The following PIEZO2 variants were observed in gnomAD, a reference collection of about 807,000 sequenced individuals.
PIEZO2 encodes piezo type mechanosensitive ion channel component 2, also known as piezo-type mechanosensitive ion channel component 2.
Under a neutral mutation model 337.3 loss-of-function variants are expected in PIEZO2, and 172 were observed. That is an observed-to-expected ratio of 0.51 (90% CI 0.45 to 0.58). The LOEUF is 0.58. Ranked by LOEUF, PIEZO2 falls within the 20% of genes least tolerant of loss-of-function variation. The probability of loss-of-function intolerance (pLI) is 0.00; values close to 1 mark genes in which losing one functional copy is unlikely to be tolerated. For synonymous variants in PIEZO2, 1,251 were observed against 1,228.5 expected, an observed-to-expected ratio of 1.02 and a Z score of -0.38; for missense variants, 3,028 against 3,391.3, an observed-to-expected ratio of 0.89 and a Z score of 2.66.
chr18:10,873,594 T>TTA (rs141501785), intron 4 of PIEZO2, among the ~76,000 whole-genome samples: 3,167 of 150,346 alleles, frequency 0.021, 103 homozygotes, highest in African/African-American at 0.073. Flanking sequence ...TGATTTATTT[T>TTA]TATATATCAT....
At chr18:11,098,804 A>G (rs975693438) in intron 1 of PIEZO2, among the ~76,000 whole-genome samples, 1 of 151,852 alleles carries the variant, frequency 6.6e-6, no homozygotes, top group African/African-American at 2.4e-5. Context: ...TTATTTAAAA[A>G]AAATTTTTTT....
chr18:11,144,479 A>G (rs2040756686), intron 1 of PIEZO2, among the ~76,000 whole-genome samples: 1 of 152,178 alleles, frequency 6.6e-6, no homozygotes, highest in African/African-American at 2.4e-5. Flanking sequence ...CATTAGCTCC[A>G]TTTGTAATTC....
intron 1 of PIEZO2, among the ~76,000 whole-genome samples, chr18:11,136,784 T>C (rs2040502707): frequency 6.6e-6 from 1 of 152,158 alleles, no homozygotes; most frequent in Non-Finnish European, 1.5e-5. Context: ...TTGTGCAGCC[T>C]ACCCTTTCCT....
Position 10,670,562 on chromosome 18 carries a change from G to C in PIEZO2, c.*965C>G, listed in dbSNP as rs1002092314. The C allele has an allele frequency of 6.6e-6, 1 of 152,168 alleles. No homozygotes were observed. The highest frequency in any genetic ancestry group is 1.5e-5 in the Non-Finnish European group (1 of 68,038). The allele number at this position is 152,168 out of a possible 1,614,324, so 9.4% of individuals were successfully genotyped here. A position where few individuals can be genotyped will look rare whatever the true frequency, so the allele number is the denominator to read the frequency against. On this transcript the variant is annotated 3_prime_UTR_variant, in exon 56 of 56. Transcript: ENST00000674853. ...GTGAATTGGAATATGTAAACTCTTT[G>C]ATATACCTGAAAAACAGGAAGGAAA...
chr18:10,747,677 C>T (rs777175089), intron 30 of PIEZO2, among the ~76,000 whole-genome samples: 1 of 152,150 alleles, frequency 6.6e-6, no homozygotes, highest in Non-Finnish European at 1.5e-5. Flanking sequence ...CAGAGGCTGA[C>T]AACTGCCATC....
intron 37 of PIEZO2, 68 bp downstream of exon 37, chr18:10,718,132 T>G: frequency 8.2e-6 from 11 of 1,343,644 alleles, no homozygotes; most frequent in Non-Finnish European, 1.1e-5. Flanking sequence ...CAGCCTTCCA[T>G]TATATACGAT....
rs996568328 is a variant in PIEZO2 at position 10,861,072 on chromosome 18, G to A, written c.493-3861C>T. 6.6e-6 allele frequency among the ~76,000 whole-genome samples: 1 copy of A among 152,210 alleles called. No individual in the cohort carries two copies. Among genetic ancestry groups the A allele is most frequent in the African/African-American group, 2.4e-5 (1 of 41,448 alleles). Reference sequence around the variant, plus strand: ...GTCAGGCTGGCTTATTAACAGGCAGGCTTTTTCCCCCAAAGTGATTCTTCT... The same window carrying A: ...GTCAGGCTGGCTTATTAACAGGCAGACTTTTTCCCCCAAAGTGATTCTTCT... On this transcript the variant is annotated intron_variant, in intron 5 of 55. Transcript: ENST00000674853. The surrounding 1 kb of genome is among the most constrained non-coding windows in gnomAD (Gnocchi z 4.3).
intron 2 of PIEZO2, among the ~76,000 whole-genome samples, chr18:11,023,785 C>G (rs2036414660): frequency 6.6e-6 from 1 of 152,232 alleles, no homozygotes; most frequent in Admixed American, 6.5e-5. Context: ...GTCCCGAACC[C>G]TGCCCCGCTG....
intron 43 of PIEZO2, among the ~76,000 whole-genome samples, chr18:10,701,258 A>G (rs946720446): frequency 6.6e-6 from 1 of 152,262 alleles, no homozygotes; most frequent in Non-Finnish European, 1.5e-5. Context: ...AATAATTTCT[A>G]TTTATTAGAA....
rs569442770 is a variant in PIEZO2 at position 10,707,802 on chromosome 18, C to T, written c.5588+473G>A. ...TTATGTCAATTAGGCAGATAACATGCAGACTTATTTAATATTCACTAAAAA... is the reference window on the plus strand; with the variant it reads ...TTATGTCAATTAGGCAGATAACATGTAGACTTATTTAATATTCACTAAAAA... On this transcript the variant is annotated intron_variant, in intron 40 of 55. Transcript: ENST00000674853. The surrounding 1 kb of genome is among the most constrained non-coding windows in gnomAD (Gnocchi z 4.2). Among the ~76,000 whole-genome samples the T allele has an allele frequency of 1.7e-4, 26 of 152,138 alleles. No homozygotes were observed. The highest frequency in any genetic ancestry group is 3.2e-4 in the Non-Finnish European group (22 of 68,026).
At chr18:10,710,952 G>A (rs993868140) in intron 39 of PIEZO2, among the ~76,000 whole-genome samples, 2 of 152,052 alleles carry the variant, frequency 1.3e-5, no homozygotes, top group Admixed American at 1.3e-4. Context: ...CTTTCTTTAG[G>A]TTGAAAAACA....
At chr18:10,918,629 A>G (rs1451920083) in intron 3 of PIEZO2, among the ~76,000 whole-genome samples, 1 of 152,118 alleles carries the variant, frequency 6.6e-6, no homozygotes, top group Non-Finnish European at 1.5e-5. Flanking sequence ...TTTGTAAAAT[A>G]ACAATGATTT....
rs1333784398 is a variant in PIEZO2 at position 10,983,823 on chromosome 18, C to T, written c.161-4163G>A. The stretch of plus-strand genomic sequence containing the variant: ...TCTCAACATGTACAAATATTAGCAT[C>T]TGGCTTGACACTACTGGTGAGGGAG... On this transcript the variant is annotated intron_variant, in intron 2 of 55. Coordinates refer to ENST00000674853, the MANE Select transcript of PIEZO2 (RefSeq NM_001378183.1). Among the ~76,000 whole-genome samples, 6 of 152,320 alleles carry T rather than the reference C, an allele frequency of 3.9e-5. No individual in the cohort carries two copies. The South Asian group carries it at 1.0e-3, about 26-fold the overall frequency.
chr18:10,690,206 T>C (rs758054992), intron 48 of PIEZO2, among the ~76,000 whole-genome samples: 1 of 152,008 alleles, frequency 6.6e-6, no homozygotes, highest in Non-Finnish European at 1.5e-5. Context: ...TGAGGGCAAA[T>C]GGATAAAGGC....
In PIEZO2 at chr18:11,052,461, A is replaced by G. The variant is rs1260170723; in HGVS notation, c.160+13666T>C. Among the ~76,000 whole-genome samples, 5 of 152,302 alleles carry G rather than the reference A, an allele frequency of 3.3e-5. No homozygotes were observed. In the East Asian group the frequency reaches 9.6e-4, roughly 29 times the overall value. ...GCTGTTCTCATTCAAATAAACCTCA[A>G]GCCTCCACATTCATGATAAGGAGTC... On this transcript the variant is annotated intron_variant, in intron 2 of 55. Coordinates refer to ENST00000674853, the MANE Select transcript of PIEZO2 (RefSeq NM_001378183.1).
rs896148971 is a variant in PIEZO2, at chr18:10,820,190, C to T, written c.918-12916G>A. 3.3e-5 allele frequency among the ~76,000 whole-genome samples: 5 copies of T among 152,034 alleles called. No homozygotes were observed. In the East Asian group the frequency reaches 9.6e-4, roughly 29 times the overall value. On this transcript the variant is annotated intron_variant, in intron 7 of 55. Coordinates refer to ENST00000674853, the MANE Select transcript of PIEZO2 (RefSeq NM_001378183.1). ...TTTGTTTAGATTGGAGTTTGTTAAA[C>T]TTCTTGGACAGGGTGTTTATATTTT...
chr18:10,681,735 C>T lies in PIEZO2; in HGVS notation c.7705G>A (p.Ala2569Thr), dbSNP rs1234190052. 1.2e-6 allele frequency: 2 copies of T among 1,610,206 alleles called. No individual in the cohort carries two copies. The highest frequency in any genetic ancestry group is 1.7e-6 in the Non-Finnish European group (2 of 1,176,630). ...ATAACTTTCAACTGGCTTTGTTGGG[C>T]ACTCATTGTGAAAATAGGCTGGAAA... Reference protein sequence around the residue: ...GGYQPIFTMSAQQSQLKVMDQ... With the variant: ...GGYQPIFTMSTQQSQLKVMDQ... The change falls in exon 51 of 56, where the codon GCC becomes ACC. Residue 2569 changes from alanine (A) to threonine (T), a missense_variant. Ala to Thr is a moderately conservative substitution (Grantham distance 58). This residue lies in a region of PIEZO2 where 332 missense variants were observed against 363.8 expected (regional missense o/e 0.91). Transcript: ENST00000674853.
chr18:10,839,649 T>C (rs886623622), intron 7 of PIEZO2, among the ~76,000 whole-genome samples: 1 of 152,206 alleles, frequency 6.6e-6, no homozygotes, highest in African/African-American at 2.4e-5. Flanking sequence ...CTGAAGGGCA[T>C]GGAGGCTGCT....
chr18:11,060,811 C>T (rs989684572), intron 2 of PIEZO2, among the ~76,000 whole-genome samples: 55 of 152,204 alleles, frequency 3.6e-4, no homozygotes, highest in Admixed American at 7.2e-4. Context: ...GATTCACAGC[C>T]GAATTCTACC....
Sources: allele counts gnomAD v4.1 joint callset (sites outside exome capture counted in the v4.1 genomes callset), GRCh38; gene constraint gnomAD v4.1.1; regional missense constraint gnomAD v4.1.1; non-coding constraint Gnocchi (gnomAD v3.1); transcripts MANE v1.5; gene names NCBI Gene and HGNC (gene_info 2026-07-23, HGNC 2026-07-21).